Variants in PTPRK observed in about 807,000 individuals in gnomAD.
PTPRK encodes protein tyrosine phosphatase receptor type K.
In PTPRK, 75 loss-of-function variants were observed where a neutral mutation model predicts 178.0. That is an observed-to-expected ratio of 0.42 (90% confidence interval 0.35 to 0.51). The LOEUF (loss-of-function observed/expected upper bound fraction) is 0.51. Ranked by LOEUF, PTPRK falls within the 20% of genes least tolerant of loss-of-function variation. The pLI is 0.02. For synonymous variants in PTPRK, 637 were observed against 620.6 expected (o/e 1.03, Z -0.39); for missense variants, 1,441 against 1,797.8 (o/e 0.80, Z 3.59).
At chr6:128,221,946 ACAATCTTCCTAATTGGAAGG>A (rs1175371789) in intron 5 of PTPRK, among the ~76,000 whole-genome samples, 5 of 151,992 alleles carry the variant, frequency 3.3e-5, no homozygotes, top group Non-Finnish European at 4.4e-5. Flanking sequence ...TCATTTCCAT[ACAATCTTCCTAATTGGAAGG>A]CCCACCACGC....
At chr6:128,488,086 G>C (rs2128427472) in intron 1 of PTPRK, among the ~76,000 whole-genome samples, 1 of 152,276 alleles carries the variant, frequency 6.6e-6, no homozygotes, top group African/African-American at 2.4e-5. Flanking sequence ...TCAAGAGTAG[G>C]GAAGCTGACA....
intron 1 of PTPRK, among the ~76,000 whole-genome samples, chr6:128,418,587 C>T (rs944673472): frequency 6.6e-6 from 1 of 152,154 alleles, no homozygotes; most frequent in South Asian, 2.1e-4. Flanking sequence ...TACCAGCCCC[C>T]CAATCCCTCA....
intron 2 of PTPRK, among the ~76,000 whole-genome samples, chr6:128,368,275 T>A (rs765475233): frequency 1.3e-5 from 2 of 151,476 alleles, no homozygotes; most frequent in Non-Finnish European, 2.9e-5. Context: ...AAGAAAGGGA[T>A]AGAGCCATGA....
At chr6:128,460,704 A>G (rs1248594331) in intron 1 of PTPRK, among the ~76,000 whole-genome samples, 1 of 152,222 alleles carries the variant, frequency 6.6e-6, no homozygotes, top group African/African-American at 2.4e-5. Flanking sequence ...CACCTAATTT[A>G]ATGGAGACAC....
At chr6:128,148,960 T>C (rs558679701) in intron 7 of PTPRK, among the ~76,000 whole-genome samples, 11 of 151,986 alleles carry the variant, frequency 7.2e-5, no homozygotes, top group African/African-American at 2.7e-4. Flanking sequence ...TTTGGGAAAA[T>C]GACAGAATTT....
chr6:128,237,427 C>G (rs374362527), intron 5 of PTPRK, among the ~76,000 whole-genome samples: 49 of 152,156 alleles, frequency 3.2e-4, no homozygotes, highest in African/African-American at 8.9e-4. Flanking sequence ...CATTTGTTCT[C>G]ACAATGATAC....
intron 7 of PTPRK, among the ~76,000 whole-genome samples, chr6:128,104,016 C>T (rs1200905630): frequency 6.6e-6 from 1 of 152,188 alleles, no homozygotes. Flanking sequence ...TTGTCCCAAG[C>T]AGGGCCTTTG....
At chr6:128,264,234 C>A (rs1404858572) in intron 3 of PTPRK, among the ~76,000 whole-genome samples, 1 of 152,064 alleles carries the variant, frequency 6.6e-6, no homozygotes, top group Non-Finnish European at 1.5e-5. Context: ...GTACTAAGCA[C>A]CCACTGCTAA....
At chr6:128,447,095 C>G (rs947267869) in intron 1 of PTPRK, among the ~76,000 whole-genome samples, 5 of 152,116 alleles carry the variant, frequency 3.3e-5, no homozygotes, top group Admixed American at 1.3e-4. Flanking sequence ...TGTTTATCAT[C>G]CCACTTTAAT....
At chr6:128,346,446 T>A (rs893963665) in intron 2 of PTPRK, among the ~76,000 whole-genome samples, 1 of 152,064 alleles carries the variant, frequency 6.6e-6, no homozygotes, top group Admixed American at 6.5e-5. Context: ...TATAGCCAAT[T>A]TTCTATAGTA....
chr6:128,193,252 G>A (rs534638218), intron 6 of PTPRK, among the ~76,000 whole-genome samples: 3 of 111,316 alleles, frequency 2.7e-5, no homozygotes, highest in Non-Finnish European at 3.4e-5. Flanking sequence ...TAGTGACCAA[G>A]TGGAATCAAA....
intron 7 of PTPRK, among the ~76,000 whole-genome samples, chr6:128,161,718 T>G (rs1299894548): frequency 6.6e-6 from 1 of 151,634 alleles, no homozygotes; most frequent in African/African-American, 2.4e-5. Flanking sequence ...ATAAGATAAA[T>G]TTCAAAGTTT....
At chr6:128,328,155 T>C (rs1165783874) in intron 2 of PTPRK, among the ~76,000 whole-genome samples, 1 of 152,224 alleles carries the variant, frequency 6.6e-6, no homozygotes. Context: ...CAAGAATAGA[T>C]GATCCTTCTT....
chr6:128,272,869 G>A (rs938978398), intron 3 of PTPRK, among the ~76,000 whole-genome samples: 6 of 152,088 alleles, frequency 3.9e-5, no homozygotes, highest in East Asian at 1.9e-4. Context: ...GCATATACCC[G>A]AAGGATTATT....
chr6:128,073,035 A>AC (rs1783108438), intron 11 of PTPRK, among the ~76,000 whole-genome samples: 1 of 152,140 alleles, frequency 6.6e-6, no homozygotes. Context: ...TGGCCGTAGC[A>AC]CATTACATGC....
chr6:128,431,189 C>T (rs962081614), intron 1 of PTPRK, among the ~76,000 whole-genome samples: 2 of 151,684 alleles, frequency 1.3e-5, no homozygotes, highest in African/African-American at 2.4e-5. Context: ...CCGCCCACCT[C>T]GGCTTCCTAA....
chr6:128,433,869 T>C (rs187129603), intron 1 of PTPRK, among the ~76,000 whole-genome samples: 1 of 151,054 alleles, frequency 6.6e-6, no homozygotes, highest in Admixed American at 6.6e-5. Context: ...AACTTTTACT[T>C]ACAGATACTA....
At chr6:128,446,600 C>T (rs1035431811) in intron 1 of PTPRK, among the ~76,000 whole-genome samples, 5 of 152,126 alleles carry the variant, frequency 3.3e-5, no homozygotes, top group African/African-American at 9.7e-5. Context: ...GCACAGAAGC[C>T]GTAGCACAGA....
At chr6:128,336,256 T>G (rs1217645215) in intron 2 of PTPRK, among the ~76,000 whole-genome samples, 1 of 152,150 alleles carries the variant, frequency 6.6e-6, no homozygotes, top group Non-Finnish European at 1.5e-5. Context: ...TGTACTTTAA[T>G]GTTTTCATAA....
Sources: gnomAD v4.1 joint callset for allele counts (sites outside exome capture counted in the v4.1 genomes callset) on GRCh38, gnomAD v4.1.1 for gene constraint, MANE v1.5 for transcripts, NCBI Gene and HGNC (gene_info 2026-07-23, HGNC 2026-07-21) for gene names.